Variants in PRKCH observed in about 807,000 individuals in gnomAD.
PRKCH encodes the protein protein kinase C eta.
A neutral mutation model predicts 82.5 loss-of-function variants in PRKCH; 28 were observed. That is an observed-to-expected ratio of 0.34 (90% CI 0.25 to 0.47). The LOEUF is 0.47. Ranked by LOEUF, PRKCH falls within the 20% of genes least tolerant of loss-of-function variation. PRKCH has a pLI of 1.00. For synonymous variants in PRKCH, 322 were observed against 327.4 expected (o/e 0.98, Z 0.18); for missense variants, 705 against 881.8 (o/e 0.80, Z 2.54).
intron 2 of PRKCH, among the ~76,000 whole-genome samples, chr14:61,402,734 G>A (rs1881703419): frequency 1.3e-5 from 2 of 151,998 alleles, no homozygotes; most frequent in African/African-American, 4.8e-5. Flanking sequence ...GGGAGTCAGA[G>A]GTTGCAGTGA....
At chr14:61,263,246 C>T (rs533884020) in intron 1 of PRKCH, among the ~76,000 whole-genome samples, 46 of 152,198 alleles carry the variant, frequency 3.0e-4, no homozygotes, top group African/African-American at 1.0e-3. Context: ...TTCTTTTTTG[C>T]ACATGATTCT....
intron 1 of PRKCH, chr14:61,281,200 G>A: frequency 1.7e-6 from 2 of 1,154,696 alleles, no homozygotes; most frequent in Admixed American, 4.3e-5. Flanking sequence ...GCCCCGCCGC[G>A]GGGCGCCTCC....
At chr14:61,365,379 A>C (rs940783180) in intron 1 of PRKCH, among the ~76,000 whole-genome samples, 1 of 152,106 alleles carries the variant, frequency 6.6e-6, no homozygotes, top group African/African-American at 2.4e-5. Flanking sequence ...TTATGTATTT[A>C]CACTTTTCAA....
intron 10 of PRKCH, among the ~76,000 whole-genome samples, chr14:61,508,162 A>C (rs566044152): frequency 3.6e-4 from 55 of 152,210 alleles, no homozygotes; most frequent in South Asian, 6.2e-4. Context: ...GGCAATTGAC[A>C]TGGCAATTGA....
At chr14:61,457,383 G>T in intron 8 of PRKCH, 64 bp downstream of exon 8, 1 of 1,599,770 alleles carries the variant, frequency 6.3e-7, no homozygotes, top group Non-Finnish European at 8.5e-7. Context: ...GGGTGTGTGT[G>T]TGTGTGCACG....
At chr14:61,198,171 T>G (rs1455919506) in intron 1 of PRKCH, among the ~76,000 whole-genome samples, 1 of 137,294 alleles carries the variant, frequency 7.3e-6, no homozygotes, top group South Asian at 2.3e-4. Flanking sequence ...TATTTAAGTG[T>G]ATTTAAGGGC....
intron 9 of PRKCH, among the ~76,000 whole-genome samples, chr14:61,462,005 A>G (rs953461713): frequency 6.6e-6 from 1 of 152,228 alleles, no homozygotes; most frequent in African/African-American, 2.4e-5. Flanking sequence ...TGGAACTGCC[A>G]TTGCGGTTTA....
chr14:61,444,327 G>A (rs778527959), intron 3 of PRKCH, among the ~76,000 whole-genome samples: 2 of 151,970 alleles, frequency 1.3e-5, no homozygotes, highest in African/African-American at 4.8e-5. Context: ...TTTCCTCTTT[G>A]CATGAGGCTG....
At position 61,322,122 on chromosome 14, in the gene PRKCH, G is replaced by T. The variant is rs1443653480; in HGVS notation, c.21G>T (p.Lys7Asn). Residue 7 changes from lysine (K) to asparagine (N), a missense_variant, in exon 1 of 14, where the codon AAG becomes AAT. Physicochemically the swap from Lys to Asn is moderately conservative, Grantham distance 94. Around this residue, in one of 5 missense-constraint regions of PRKCH, gnomAD observed 246 missense variants for 308.0 expected, o/e 0.80. Transcript: ENST00000332981. MSSGTM[K>N]FNGYLRVRIG... Reference sequence around the variant, plus strand: ...CCGGCATGTCGTCTGGCACCATGAAGTTCAATGGCTATTTGAGGGTCCGCA... The same window carrying T: ...CCGGCATGTCGTCTGGCACCATGAATTTCAATGGCTATTTGAGGGTCCGCA... 1 of 1,585,926 alleles carries T rather than the reference G, an allele frequency of 6.3e-7. No homozygotes were observed. Among genetic ancestry groups the T allele is most frequent in the Non-Finnish European group, 8.6e-7 (1 of 1,165,192 alleles).
At chr14:61,440,630 C>T (rs1298400358) in intron 2 of PRKCH, among the ~76,000 whole-genome samples, 1 of 152,196 alleles carries the variant, frequency 6.6e-6, no homozygotes, top group Non-Finnish European at 1.5e-5. Context: ...AATCCCAGCA[C>T]TTTGGGAGGC....
intron 1 of PRKCH, among the ~76,000 whole-genome samples, chr14:61,389,021 T>C (rs960245087): frequency 6.6e-6 from 1 of 152,208 alleles, no homozygotes; most frequent in Non-Finnish European, 1.5e-5. Context: ...CAGTGCATTT[T>C]TGGGGGCTTT....
At chr14:61,388,769 C>A (rs1045212175) in intron 1 of PRKCH, among the ~76,000 whole-genome samples, 2 of 152,160 alleles carry the variant, frequency 1.3e-5, no homozygotes, top group African/African-American at 4.8e-5. Flanking sequence ...TAAAGGTTCA[C>A]AAGTGGTATT....
At chr14:61,215,213 T>C (rs2044608381) in intron 1 of PRKCH, among the ~76,000 whole-genome samples, 1 of 152,122 alleles carries the variant, frequency 6.6e-6, no homozygotes, top group African/African-American at 2.4e-5. Context: ...TTTTTAGATG[T>C]GAGGAACATT....
chr14:61,363,032 G>T (rs565874990), intron 1 of PRKCH, among the ~76,000 whole-genome samples: 1 of 152,360 alleles, frequency 6.6e-6, no homozygotes, highest in African/African-American at 2.4e-5. Context: ...TGATGAACGG[G>T]TGAGAGAGAA....
chr14:61,402,813 A>T (rs1033380943), intron 2 of PRKCH, among the ~76,000 whole-genome samples: 2 of 148,842 alleles, frequency 1.3e-5, no homozygotes, highest in African/African-American at 5.2e-5. Flanking sequence ...AAAAGAAAAA[A>T]AGAAAAAAGA....
chr14:61,230,372 C>G (rs2044732831), intron 1 of PRKCH, among the ~76,000 whole-genome samples: 1 of 152,086 alleles, frequency 6.6e-6, no homozygotes, highest in African/African-American at 2.4e-5. Context: ...AGTCATGACT[C>G]TCTTCTTAGG....
intron 2 of PRKCH, among the ~76,000 whole-genome samples, chr14:61,403,168 ATTG>A (rs928767736): frequency 4.6e-5 from 7 of 152,146 alleles, no homozygotes; most frequent in African/African-American, 1.7e-4. Flanking sequence ...ATGTAATGGA[ATTG>A]TTATTGTTTT....
At chr14:61,240,250 G>C (rs1462848230) in intron 1 of PRKCH, among the ~76,000 whole-genome samples, 1 of 152,162 alleles carries the variant, frequency 6.6e-6, no homozygotes, top group East Asian at 1.9e-4. Flanking sequence ...CAGAGGGAGG[G>C]AGGGAGCCTC....
At chr14:61,419,452 C>T (rs1367870847) in intron 2 of PRKCH, among the ~76,000 whole-genome samples, 2 of 150,736 alleles carry the variant, frequency 1.3e-5, no homozygotes, top group African/African-American at 5.0e-5. Context: ...GCATTCCTGG[C>T]TTCTACCCTC....
Sources: gnomAD v4.1 joint callset for allele counts (sites outside exome capture counted in the v4.1 genomes callset) on GRCh38, gnomAD v4.1.1 for gene constraint, gnomAD v4.1.1 regional missense constraint, MANE v1.5 for transcripts, NCBI Gene and HGNC (gene_info 2026-07-23, HGNC 2026-07-21) for gene names.